The following C2CD2 variants were observed in gnomAD, a reference collection of about 807,000 sequenced individuals.
C2CD2 encodes C2 calcium dependent domain containing 2.
C2CD2 carries 43 observed loss-of-function variants against 74.3 expected under a neutral mutation model. That is an observed-to-expected ratio of 0.58 (90% CI 0.45 to 0.75). C2CD2 has a LOEUF of 0.75. Ranked by LOEUF, C2CD2 falls within the 30% of genes least tolerant of loss-of-function variation. The pLI, the probability that C2CD2 is intolerant of heterozygous loss-of-function variation, is 0.00. For missense variants in C2CD2, 801 were observed against 916.3 expected, an observed-to-expected ratio of 0.87 and a Z score of 1.63; for synonymous variants, 422 against 390.7, an observed-to-expected ratio of 1.08 and a Z score of -0.94.
intron 3 of C2CD2, among the ~76,000 whole-genome samples, chr21:41,919,829 C>A (rs1338489941): frequency 1.3e-5 from 2 of 152,184 alleles, no homozygotes; most frequent in African/African-American, 4.8e-5. Context: ...GACTGTGAGA[C>A]CCTACAGGGC....
At chr21:41,919,140 G>A (rs2065127478) in intron 3 of C2CD2, 180 bp from the exon 4 acceptor site, 2 of 608,122 alleles carry the variant, frequency 3.3e-6, no homozygotes, top group Non-Finnish European at 3.0e-6. Flanking sequence ...ATATGAGCAT[G>A]TGTGCTCATG....
intron 6 of C2CD2, among the ~76,000 whole-genome samples, chr21:41,914,212 G>T (rs892018591): frequency 6.7e-6 from 1 of 150,312 alleles, no homozygotes; most frequent in African/African-American, 2.4e-5. Context: ...GGCAACAAGA[G>T]CGAAACTCCA....
chr21:41,900,647 C>G (rs915026114), intron 12 of C2CD2, among the ~76,000 whole-genome samples: 2 of 152,302 alleles, frequency 1.3e-5, no homozygotes, highest in Admixed American at 6.5e-5. Context: ...CTCCAAGGTC[C>G]TGTTCTGGCC....
At chr21:41,931,081 G>A (rs73221433) in intron 2 of C2CD2, among the ~76,000 whole-genome samples, 2,670 of 150,742 alleles carry the variant, frequency 0.018, 179 homozygotes, top group Middle Eastern at 0.048. Flanking sequence ...GAAGGTAATT[G>A]AAGTCTAGGA....
intron 5 of C2CD2, among the ~76,000 whole-genome samples, chr21:41,915,344 C>T (rs751429142): frequency 6.6e-6 from 1 of 152,174 alleles, no homozygotes; most frequent in Non-Finnish European, 1.5e-5. Context: ...GACACCAGGG[C>T]GTTTCCAACA....
chr21:41,895,784 G>A lies in C2CD2; in HGVS notation c.1870+3269C>T, dbSNP rs746028296. On this transcript the variant is annotated intron_variant, in intron 13 of 13. Transcript: ENST00000380486. The surrounding 1 kb of genome is among the most constrained non-coding windows in gnomAD (Gnocchi z 5.0). Reference sequence around the variant, plus strand: ...ACAGAGTCTAACAGACATAAATAGCGAATTGAAGGTTCTGTCTTAAAACCC... The same window carrying A: ...ACAGAGTCTAACAGACATAAATAGCAAATTGAAGGTTCTGTCTTAAAACCC... Among the ~76,000 whole-genome samples the A allele has an allele frequency of 3.3e-5, 5 of 151,930 alleles. No homozygotes were observed. The highest frequency in any genetic ancestry group is 4.8e-5 in the African/African-American group (2 of 41,338).
At chr21:41,915,247 C>T (rs867934561) in intron 5 of C2CD2, among the ~76,000 whole-genome samples, 1 of 152,184 alleles carries the variant, frequency 6.6e-6, no homozygotes, top group Non-Finnish European at 1.5e-5. Flanking sequence ...TAGCACTGCA[C>T]AGGTGAGGGG....
At position 41,953,390 on chromosome 21, in the gene C2CD2, C is replaced by A; in HGVS notation, c.259G>T (p.Glu87Ter). Residue 87 changes from glutamate to a stop codon, truncating the protein, a stop_gained, in exon 1 of 14, where the codon GAG becomes TAG. Coordinates refer to ENST00000380486, the MANE Select transcript of C2CD2 (RefSeq NM_015500.2). LOFTEE classifies it high-confidence loss of function. The stretch of plus-strand genomic sequence containing the variant: ...CTCACCCCTTTCCTCTCGGCCTCCT[C>A]GTTCAGGGCGGTCACCCAGGCCGCC... ...WQAAWVTALN[E>*]EAERKGGPPF... 7.1e-7 allele frequency: 1 copy of A among 1,417,580 alleles called. No homozygotes were observed. The highest frequency in any genetic ancestry group is 1.5e-5 in the African/African-American group (1 of 66,786). The allele number at this position is 1,417,580 out of a possible 1,614,324, so 87.8% of individuals were successfully genotyped here.
rs2064669882 is a variant in C2CD2 at position 41,885,173 on chromosome 21, C to T, written c.*3951G>A. The T allele has an allele frequency of 6.6e-6, 1 of 152,294 alleles. No homozygotes were observed. The allele number at this position is 152,294 out of a possible 1,614,324, so 9.4% of individuals were successfully genotyped here. A position where few individuals can be genotyped will look rare whatever the true frequency, so the allele number is the denominator to read the frequency against. ...TGTTTGTGTTCCAGCCACATCTTCT[C>T]CAAAGGAACCCACCCAAGCCCGTGT... is the stretch of plus-strand genomic sequence containing the variant. On this transcript the variant is annotated 3_prime_UTR_variant, in exon 14 of 14. Coordinates refer to ENST00000380486, the MANE Select transcript of C2CD2 (RefSeq NM_015500.2).
intron 3 of C2CD2, among the ~76,000 whole-genome samples, chr21:41,921,375 G>T (rs2065152124): frequency 6.6e-6 from 1 of 152,166 alleles, no homozygotes. Context: ...GATGATTTGG[G>T]CAACCAAAGT....
intron 2 of C2CD2, among the ~76,000 whole-genome samples, chr21:41,927,618 G>C (rs554151700): frequency 6.6e-6 from 1 of 151,696 alleles, no homozygotes; most frequent in Non-Finnish European, 1.5e-5. Flanking sequence ...CTACAGGCAC[G>C]TGCCACCACA....
chr21:41,900,565 G>A (rs1005335304), intron 12 of C2CD2, among the ~76,000 whole-genome samples: 2 of 152,114 alleles, frequency 1.3e-5, no homozygotes, highest in South Asian at 2.1e-4. Flanking sequence ...AACACCACCC[G>A]CCTGCCTCTG....
In C2CD2 at chr21:41,907,657, T is replaced by C; in HGVS notation, c.1143+3A>G. 2 of 1,609,902 alleles carry C rather than the reference T, an allele frequency of 1.2e-6. No individual in the cohort carries two copies. Among genetic ancestry groups the C allele is most frequent in the Admixed American group, 1.7e-5 (1 of 59,492 alleles). On this transcript the variant is annotated splice_donor_region_variant and intron_variant, in intron 9 of 13. Transcript: ENST00000380486. ...CCGGCCGCGGCGGACAGCCTCGCCC[T>C]ACCTCTGCCGTGACCGAGCCCAGCA... is the stretch of plus-strand genomic sequence containing the variant.
intron 2 of C2CD2, among the ~76,000 whole-genome samples, chr21:41,928,378 G>C (rs2146209420): frequency 1.3e-5 from 2 of 152,146 alleles, no homozygotes; most frequent in Middle Eastern, 6.8e-3. Flanking sequence ...TCGCATTCAG[G>C]GGCAGTATCT....
At chr21:41,915,503 C>T (rs2146187575) in intron 5 of C2CD2, among the ~76,000 whole-genome samples, 1 of 151,532 alleles carries the variant, frequency 6.6e-6, no homozygotes, top group African/African-American at 2.4e-5. Context: ...GTGGTGCGAT[C>T]TCAGTTCACT....
chr21:41,893,663 G>A (rs1045770178), intron 13 of C2CD2, among the ~76,000 whole-genome samples: 11 of 149,720 alleles, frequency 7.3e-5, no homozygotes, highest in Non-Finnish European at 1.0e-4. Context: ...CTTCACTCAC[G>A]CTCTCCAGAG....
chr21:41,949,014 C>T (rs991897025), intron 1 of C2CD2, among the ~76,000 whole-genome samples: 1 of 151,708 alleles, frequency 6.6e-6, no homozygotes, highest in African/African-American at 2.4e-5. Context: ...CCTCCTAGTC[C>T]GGGGCCTCAT....
chr21:41,908,133 G>A, intron 8 of C2CD2: 1 of 335,538 alleles, frequency 3.0e-6, no homozygotes, highest in Non-Finnish European at 5.6e-6. Flanking sequence ...GTAAATTCAG[G>A]GAGCTGACAA....
chr21:41,902,707 C>T (rs1474760709), intron 11 of C2CD2, among the ~76,000 whole-genome samples: 1 of 152,104 alleles, frequency 6.6e-6, no homozygotes, highest in African/African-American at 2.4e-5. Flanking sequence ...GATAAGACCA[C>T]AGAGGCCAAG....
Sources: gnomAD v4.1 joint callset for allele counts (sites outside exome capture counted in the v4.1 genomes callset) on GRCh38, gnomAD v4.1.1 for gene constraint, Gnocchi (gnomAD v3.1) non-coding constraint, MANE v1.5 for transcripts, NCBI Gene and HGNC (gene_info 2026-07-23, HGNC 2026-07-21) for gene names.